Variants in ILRUN observed in about 807,000 individuals in gnomAD.
The protein encoded by ILRUN is inflammation and lipid regulator with UBA-like and NBR1-like domains.
A neutral mutation model predicts 33.8 loss-of-function variants in ILRUN; 3 were observed. The observed-to-expected ratio is 0.09, with a 90% CI of 0.04 to 0.23. ILRUN has a LOEUF of 0.23. Ranked by LOEUF, ILRUN falls within the 10% of genes least tolerant of loss-of-function variation. The pLI is 1.00. For missense variants in ILRUN, 210 were observed against 375.1 expected (o/e 0.56, Z 3.64); for synonymous variants, 124 against 138.9 (o/e 0.89, Z 0.75).
At chr6:34,601,410 C>G (rs1440910436) in intron 4 of ILRUN, among the ~76,000 whole-genome samples, 1 of 150,574 alleles carries the variant, frequency 6.6e-6, no homozygotes, top group Non-Finnish European at 1.5e-5. Context: ...TGGAGAGGAT[C>G]TGCATGTGAG....
intron 4 of ILRUN, among the ~76,000 whole-genome samples, chr6:34,591,855 T>C (rs535728288): frequency 4.6e-5 from 7 of 152,238 alleles, no homozygotes; most frequent in South Asian, 2.1e-4. Context: ...AAATCCAAAT[T>C]TGATGGACTG....
chr6:34,651,253 G>C (rs369978002), intron 2 of ILRUN, among the ~76,000 whole-genome samples: 1 of 152,100 alleles, frequency 6.6e-6, no homozygotes, highest in South Asian at 2.1e-4. Context: ...TCTAGCAACT[G>C]CTACCTAACC....
chr6:34,688,079 A>G (rs1763563815), intron 1 of ILRUN, among the ~76,000 whole-genome samples: 1 of 152,124 alleles, frequency 6.6e-6, no homozygotes, highest in Admixed American at 6.5e-5. Context: ...TGTATATACA[A>G]TGGAATACTA....
At position 34,588,344 on chromosome 6, in the gene ILRUN, C is replaced by A; in HGVS notation, c.*2221G>T. On this transcript the variant is annotated 3_prime_UTR_variant, in exon 5 of 5. Coordinates refer to ENST00000374023, the MANE Select transcript of ILRUN (RefSeq NM_024294.4). ...ACCCACTGACGGTGGCCCATGAAGCCCCTGCTGGGAAACTGGGAAGGGGCA... is the reference window on the plus strand; with the variant it reads ...ACCCACTGACGGTGGCCCATGAAGCACCTGCTGGGAAACTGGGAAGGGGCA... The A allele has an allele frequency of 2.5e-6, 1 of 397,794 alleles. No homozygotes were observed. Among genetic ancestry groups the A allele is most frequent in the Non-Finnish European group, 4.4e-6 (1 of 225,996 alleles). 24.6% of individuals were successfully genotyped at this position (397,794 alleles called of 1,614,324 possible). A position where few individuals can be genotyped will look rare whatever the true frequency, so the allele number is the denominator to read the frequency against.
chr6:34,603,694 T>C (rs1761566256), intron 4 of ILRUN, among the ~76,000 whole-genome samples: 1 of 152,224 alleles, frequency 6.6e-6, no homozygotes, highest in South Asian at 2.1e-4. Flanking sequence ...ATTAGGACTG[T>C]ATTGCTCTCT....
chr6:34,683,473 C>CACATATATATACATATATAT (rs1763435754), intron 1 of ILRUN, among the ~76,000 whole-genome samples: 1 of 97,844 alleles, frequency 1.0e-5, no homozygotes, highest in South Asian at 2.8e-4. Context: ...CATATATATA[C>CACATATATATACATATATAT]ACATATATAT....
At chr6:34,681,063 T>G (rs1292220573) in intron 1 of ILRUN, among the ~76,000 whole-genome samples, 1 of 151,784 alleles carries the variant, frequency 6.6e-6, no homozygotes, top group Non-Finnish European at 1.5e-5. Flanking sequence ...AAAAAAAAAG[T>G]AAAAAATAAA....
intron 3 of ILRUN, among the ~76,000 whole-genome samples, chr6:34,615,331 C>T (rs1429567631): frequency 6.6e-6 from 1 of 152,172 alleles, no homozygotes; most frequent in African/African-American, 2.4e-5. Context: ...CATGGTGGCT[C>T]ACACCTGTAG....
At chr6:34,595,744 T>G in intron 4 of ILRUN, 10 of 985,024 alleles carry the variant, frequency 1.0e-5, no homozygotes, top group Non-Finnish European at 1.2e-5. Flanking sequence ...TATTTGTGAT[T>G]TGATTTAAAT....
chr6:34,671,721 C>T (rs1763120977), intron 1 of ILRUN: 1 of 152,204 alleles, frequency 6.6e-6, no homozygotes, highest in South Asian at 2.1e-4. Flanking sequence ...CCTAAGCCCT[C>T]CTAAAATACA....
intron 4 of ILRUN, among the ~76,000 whole-genome samples, chr6:34,601,931 C>A (rs944594481): frequency 3.3e-5 from 5 of 152,162 alleles, no homozygotes; most frequent in African/African-American, 1.2e-4. Context: ...AGCAAGCCAG[C>A]AAGCACGAGT....
rs967214146 is a variant in ILRUN at position 34,666,021 on chromosome 6, C to T, written c.159-11242G>A. On this transcript the variant is annotated intron_variant, in intron 1 of 4. Transcript: ENST00000374023. ...CCAGAAAAATGCACCCTAGGATATA[C>T]ATCTAAGAGAAAAATCTATAGCCCT... Among the ~76,000 whole-genome samples, 11 of 150,866 alleles carry T rather than the reference C, an allele frequency of 7.3e-5. 1 individual carries two copies. The highest frequency in any genetic ancestry group is 2.9e-5 in the Non-Finnish European group (2 of 67,878).
chr6:34,590,740 CA>C, intron 4 of ILRUN, 140 bp from the exon 5 acceptor site: 1 of 655,720 alleles, frequency 1.5e-6, no homozygotes, highest in South Asian at 1.7e-5. Flanking sequence ...CTTTGCCATA[CA>C]AAACCTCGGC....
chr6:34,649,623 T>C (rs1762623163), intron 2 of ILRUN, among the ~76,000 whole-genome samples: 1 of 152,160 alleles, frequency 6.6e-6, no homozygotes, highest in Admixed American at 6.5e-5. Context: ...AGTCCAACAG[T>C]CCCAGGGGAC....
chr6:34,658,493 T>TA (rs1554187293), intron 1 of ILRUN, among the ~76,000 whole-genome samples: 1 of 149,596 alleles, frequency 6.7e-6, no homozygotes, highest in Admixed American at 6.6e-5. Flanking sequence ...TCTTTTTCTT[T>TA]TTTTTTTTTT....
chr6:34,607,936 C>G (rs1761667482), intron 3 of ILRUN, among the ~76,000 whole-genome samples: 1 of 152,074 alleles, frequency 6.6e-6, no homozygotes, highest in Non-Finnish European at 1.5e-5. Context: ...CTACCAAAAA[C>G]TTAAAAATTA....
At chr6:34,604,551 A>G (rs933932726) in intron 4 of ILRUN, among the ~76,000 whole-genome samples, 2 of 152,208 alleles carry the variant, frequency 1.3e-5, no homozygotes, top group Non-Finnish European at 2.9e-5. Context: ...TCATCTTCCC[A>G]TTAAACCCAA....
At chr6:34,684,818 G>GA (rs543272810) in intron 1 of ILRUN, among the ~76,000 whole-genome samples, 123 of 152,276 alleles carry the variant, frequency 8.1e-4, no homozygotes, top group African/African-American at 2.6e-3. Context: ...ACACAGCAGA[G>GA]AAAAGCAGAA....
At chr6:34,695,734 G>A (rs1763753597) in intron 1 of ILRUN, among the ~76,000 whole-genome samples, 1 of 149,084 alleles carries the variant, frequency 6.7e-6, no homozygotes, top group African/African-American at 2.5e-5. Flanking sequence ...TCCTAAGGTG[G>A]TTCCCAGGCC....
Sources: gnomAD v4.1 joint callset for allele counts (sites outside exome capture counted in the v4.1 genomes callset) on GRCh38, gnomAD v4.1.1 for gene constraint, MANE v1.5 for transcripts, NCBI Gene and HGNC (gene_info 2026-07-23, HGNC 2026-07-21) for gene names.